Variants in FAM168A observed in about 807,000 individuals in gnomAD.
The protein encoded by FAM168A is family with sequence similarity 168 member A.
Under a neutral mutation model 28.5 loss-of-function variants are expected in FAM168A, and 3 were observed. The ratio of observed to expected loss-of-function variants is 0.11; its 90% confidence interval spans 0.05 to 0.27. The LOEUF is 0.27. Among genes scored for constraint, FAM168A ranks in the 10% least tolerant of loss-of-function variants. FAM168A has a pLI of 1.00. For synonymous variants in FAM168A, 122 were observed against 124.2 expected, an observed-to-expected ratio of 0.98 and a Z score of 0.12; for missense variants, 222 against 311.5, an observed-to-expected ratio of 0.71 and a Z score of 2.16.
At chr11:73,521,155 T>C (rs1410151080) in intron 1 of FAM168A, among the ~76,000 whole-genome samples, 1 of 152,204 alleles carries the variant, frequency 6.6e-6, no homozygotes, top group Non-Finnish European at 1.5e-5. Context: ...GATTGGTAGG[T>C]TGTTCTGCAT....
chr11:73,574,687 C>A (rs1419280811), intron 1 of FAM168A, among the ~76,000 whole-genome samples: 1 of 151,480 alleles, frequency 6.6e-6, no homozygotes, highest in Non-Finnish European at 1.5e-5. Context: ...CTCAGCCTCC[C>A]AAGTAGCTGG....
intron 1 of FAM168A, among the ~76,000 whole-genome samples, chr11:73,528,307 C>A (rs576022096): frequency 1.3e-5 from 2 of 152,222 alleles, no homozygotes; most frequent in South Asian, 4.1e-4. Context: ...CAGATGTTTA[C>A]GGTTAAGGGA....
intron 1 of FAM168A, among the ~76,000 whole-genome samples, chr11:73,560,802 C>T (rs758812580): frequency 3.9e-5 from 6 of 152,222 alleles, no homozygotes; most frequent in Non-Finnish European, 7.3e-5. Flanking sequence ...GCTGCTCACA[C>T]TTGTAATCCC....
intron 1 of FAM168A, among the ~76,000 whole-genome samples, chr11:73,471,394 A>G (rs556446578): frequency 5.3e-5 from 8 of 152,248 alleles, no homozygotes; most frequent in Non-Finnish European, 1.2e-4. Context: ...TCATTAAAGT[A>G]TAATTTCCAT....
chr11:73,561,057 G>A (rs56319905), intron 1 of FAM168A, among the ~76,000 whole-genome samples: 11 of 121,714 alleles, frequency 9.0e-5, no homozygotes, highest in Non-Finnish European at 1.6e-4. Flanking sequence ...GCAAGACTCT[G>A]TCCCAAAAAA....
chr11:73,426,584 C>A (rs1326335469), intron 3 of FAM168A, among the ~76,000 whole-genome samples: 1 of 152,156 alleles, frequency 6.6e-6, no homozygotes, highest in Non-Finnish European at 1.5e-5. Context: ...CTTGAGCCAG[C>A]TTCTCCATGG....
At chr11:73,483,068 G>A (rs575027841) in intron 1 of FAM168A, among the ~76,000 whole-genome samples, 1 of 152,300 alleles carries the variant, frequency 6.6e-6, no homozygotes, top group South Asian at 2.1e-4. Flanking sequence ...CAGCTGTGAG[G>A]CCTTGGATAA....
chr11:73,407,429 C>T, intron 7 of FAM168A, 84 bp downstream of exon 7: 5 of 900,624 alleles, frequency 5.6e-6, no homozygotes, highest in Non-Finnish European at 8.0e-6. Context: ...TAGCTGACAC[C>T]TGTGCTCCAG....
At chr11:73,548,356 C>T (rs377735730) in intron 1 of FAM168A, among the ~76,000 whole-genome samples, 12 of 152,076 alleles carry the variant, frequency 7.9e-5, no homozygotes, top group African/African-American at 2.7e-4. Flanking sequence ...TTACTATAAG[C>T]AAGCACATTA....
At chr11:73,525,168 G>GAC (rs1215112624) in intron 1 of FAM168A, among the ~76,000 whole-genome samples, 6 of 151,976 alleles carry the variant, frequency 3.9e-5, no homozygotes, top group African/African-American at 1.5e-4. Flanking sequence ...ATTCATGCTA[G>GAC]ACGTTTTTCT....
chr11:73,505,890 T>A (rs756062503), intron 1 of FAM168A, among the ~76,000 whole-genome samples: 2 of 152,202 alleles, frequency 1.3e-5, no homozygotes, highest in Non-Finnish European at 2.9e-5. Context: ...TTCCATTCTT[T>A]TCTGGACCAA....
intron 2 of FAM168A, among the ~76,000 whole-genome samples, chr11:73,462,613 T>C (rs1159042155): frequency 3.3e-5 from 5 of 152,114 alleles, no homozygotes; most frequent in Non-Finnish European, 5.9e-5. Context: ...CGGTGGCTCA[T>C]ACCTGTAGTC....
At chr11:73,496,866 GTTC>G (rs1406976935) in intron 1 of FAM168A, among the ~76,000 whole-genome samples, 2 of 135,488 alleles carry the variant, frequency 1.5e-5, no homozygotes, top group East Asian at 2.0e-4. Context: ...AGCCCTGTAT[GTTC>G]TTATCACACA....
chr11:73,504,665 A>C (rs183915435), intron 1 of FAM168A, among the ~76,000 whole-genome samples: 233 of 152,332 alleles, frequency 1.5e-3, no homozygotes, highest in Middle Eastern at 0.01. Flanking sequence ...ATATACCCAA[A>C]GGAATATAAA....
At chr11:73,428,827 C>G (rs982719476) in intron 3 of FAM168A, among the ~76,000 whole-genome samples, 1 of 152,142 alleles carries the variant, frequency 6.6e-6, no homozygotes, top group Admixed American at 6.5e-5. Flanking sequence ...TGTCACTGCT[C>G]CCTTCATAAG....
chr11:73,493,927 A>C (rs1395779486), intron 1 of FAM168A, among the ~76,000 whole-genome samples: 1 of 152,206 alleles, frequency 6.6e-6, no homozygotes, highest in African/African-American at 2.4e-5. Context: ...CCTCTATCCC[A>C]AAAATACATG....
chr11:73,421,617 G>C (rs892113585), intron 3 of FAM168A, among the ~76,000 whole-genome samples: 18 of 77,662 alleles, frequency 2.3e-4, no homozygotes, highest in African/African-American at 1.8e-3. Flanking sequence ...CTTTTCTTTG[G>C]GGGGGTGGGA....
rs200713274 is a variant in FAM168A, at chr11:73,449,392, G to GA, written c.71-18623dup. On this transcript the variant is annotated intron_variant, in intron 2 of 7. Coordinates refer to ENST00000356467, the MANE Select transcript of FAM168A (RefSeq NM_015159.3). ...ACAATTCTTAACTACTAAGCTACAT[G>GA]AAAAAAAAAATCTGGCACTGGATTT... Among the ~76,000 whole-genome samples the GA allele has an allele frequency of 3.6e-3, 542 of 149,654 alleles. 10 individuals are homozygous for GA. The highest frequency in any genetic ancestry group is 0.012 in the African/African-American group (493 of 41,022).
chr11:73,551,501 T>A (rs1235455759), intron 1 of FAM168A, among the ~76,000 whole-genome samples: 1 of 152,218 alleles, frequency 6.6e-6, no homozygotes, highest in Non-Finnish European at 1.5e-5. Context: ...ACTGTTAAAG[T>A]CAATTCTATA....
Sources: allele counts gnomAD v4.1 joint callset (sites outside exome capture counted in the v4.1 genomes callset), GRCh38; gene constraint gnomAD v4.1.1; transcripts MANE v1.5; gene names NCBI Gene and HGNC (gene_info 2026-07-23, HGNC 2026-07-21).